Variants in CPVL observed in about 807,000 individuals in gnomAD.
CPVL encodes the protein probable serine carboxypeptidase CPVL.
In CPVL, 51 loss-of-function variants were observed where a neutral mutation model predicts 63.7. The observed-to-expected ratio is 0.80, with a 90% CI of 0.64 to 1.01. CPVL has a LOEUF of 1.01. Ranked by LOEUF, CPVL falls within the 50% of genes least tolerant of loss-of-function variation. CPVL has a pLI of 0.00. For missense variants in CPVL, 530 were observed against 573.1 expected (o/e 0.92, Z 0.77); for synonymous variants, 195 against 206.0 (o/e 0.95, Z 0.46).
intron 5 of CPVL, among the ~76,000 whole-genome samples, chr7:29,177,452 C>G (rs562902115): frequency 6.6e-6 from 1 of 152,068 alleles, no homozygotes; most frequent in Admixed American, 6.5e-5. Context: ...TGGGGTTTCA[C>G]CATGTTGGCC....
chr7:29,066,181 G>A (rs1783122108), intron 9 of CPVL, 60 bp from the exon 10 acceptor site: 1 of 869,456 alleles, frequency 1.2e-6, no homozygotes, highest in South Asian at 1.5e-5. Flanking sequence ...GGATAAAAAT[G>A]TACAGACATT....
At chr7:29,159,341 A>T (rs1021125877) in intron 5 of CPVL, among the ~76,000 whole-genome samples, 1 of 152,224 alleles carries the variant, frequency 6.6e-6, no homozygotes, top group Admixed American at 6.5e-5. Context: ...AAATGCCTGC[A>T]GCATCCTGGC....
At chr7:29,072,017 G>C (rs1340361137) in intron 8 of CPVL, 113 bp from the exon 9 acceptor site, 4 of 1,333,906 alleles carry the variant, frequency 3.0e-6, no homozygotes, top group Non-Finnish European at 4.2e-6. Flanking sequence ...GTGCTGGTTA[G>C]CCAAGTAGGA....
chr7:29,108,946 C>T (rs919442448), intron 3 of CPVL, among the ~76,000 whole-genome samples: 2 of 152,178 alleles, frequency 1.3e-5, no homozygotes, highest in Admixed American at 6.5e-5. Flanking sequence ...ATTTCCACAT[C>T]GGAGGCCTAA....
chr7:29,128,281 T>C (rs1360824645), intron 1 of CPVL: 4 of 150,322 alleles, frequency 2.7e-5, no homozygotes, highest in African/African-American at 9.8e-5. Context: ...CAGAAGAAAA[T>C]CATTTGTTTG....
At chr7:29,178,842 A>G (rs967735673) in intron 5 of CPVL, among the ~76,000 whole-genome samples, 10 of 152,234 alleles carry the variant, frequency 6.6e-5, no homozygotes, top group African/African-American at 2.2e-4. Context: ...TAATCAGCCA[A>G]TAAAAATGGG....
intron 5 of CPVL, among the ~76,000 whole-genome samples, chr7:29,155,254 T>C (rs992491297): frequency 6.6e-6 from 1 of 152,180 alleles, no homozygotes; most frequent in African/African-American, 2.4e-5. Context: ...GGTTGCACCA[T>C]TTCAGGGAAA....
intron 1 of CPVL, among the ~76,000 whole-genome samples, chr7:29,144,710 C>T (rs1336165952): frequency 2.6e-5 from 4 of 152,066 alleles, no homozygotes; most frequent in Non-Finnish European, 2.9e-5. Context: ...TCAGTGTTTC[C>T]TCTGACAAAC....
chr7:29,009,916 A>T (rs1310570358), intron 12 of CPVL: 1 of 152,200 alleles, frequency 6.6e-6, no homozygotes. Flanking sequence ...TTTAAATTTA[A>T]AAGAAGAAAA....
chr7:29,047,634 A>C (rs1789753729), intron 11 of CPVL, among the ~76,000 whole-genome samples: 1 of 152,230 alleles, frequency 6.6e-6, no homozygotes, highest in Non-Finnish European at 1.5e-5. Context: ...TAATCGAGGA[A>C]AACTTCCCTG....
chr7:29,116,205 A>C (rs955071546), intron 2 of CPVL, among the ~76,000 whole-genome samples: 7 of 152,242 alleles, frequency 4.6e-5, no homozygotes, highest in African/African-American at 1.4e-4. Flanking sequence ...AAACCTCCTA[A>C]GGCAGACCTT....
chr7:29,121,823 T>A (rs558722157), intron 1 of CPVL, among the ~76,000 whole-genome samples: 3 of 151,800 alleles, frequency 2.0e-5, no homozygotes, highest in South Asian at 2.1e-4. Flanking sequence ...CCAGTTTGTA[T>A]CAAAGAACAA....
At chr7:29,127,843 T>A (rs958494274) in intron 1 of CPVL, among the ~76,000 whole-genome samples, 4 of 152,142 alleles carry the variant, frequency 2.6e-5, no homozygotes, top group Non-Finnish European at 5.9e-5. Flanking sequence ...ATCACACTCT[T>A]TTGTCCTCCA....
chr7:28,996,070 A>G (rs1220818281), intron 12 of CPVL, 188 bp from the exon 13 acceptor site: 2 of 505,918 alleles, frequency 4.0e-6, no homozygotes, highest in African/African-American at 2.0e-5. Flanking sequence ...ATGTTAAGGT[A>G]GAAAAGTTTT....
chr7:29,107,169 C>G (rs1474898775), intron 3 of CPVL, among the ~76,000 whole-genome samples: 1 of 152,198 alleles, frequency 6.6e-6, no homozygotes, highest in Non-Finnish European at 1.5e-5. Flanking sequence ...TAATATTGCC[C>G]TTTATAAGGT....
At chr7:29,157,158 T>A (rs1794488432) in intron 5 of CPVL, among the ~76,000 whole-genome samples, 1 of 152,206 alleles carries the variant, frequency 6.6e-6, no homozygotes, top group Admixed American at 6.5e-5. Flanking sequence ...GAGCTGTCTT[T>A]TCTCCCACTT....
Position 29,122,884 on chromosome 7 carries a change from T to A in CPVL, c.-10-1813A>T, listed in dbSNP as rs549107087. On this transcript the variant is annotated intron_variant, in intron 1 of 12. Transcript: ENST00000265394. The stretch of plus-strand genomic sequence containing the variant: ...TTCTTAAGTTTTACACCTGAGGTAG[T>A]GCCTCTCTTGTCTCACCCTAATCCT... Among the ~76,000 whole-genome samples the A allele has an allele frequency of 6.6e-5, 10 of 152,350 alleles. No homozygotes were observed. The East Asian group carries it at 1.9e-3, about 29-fold the overall frequency.
At chr7:28,995,947 TTTCA>T in intron 12 of CPVL, 65 bp from the exon 13 acceptor site, 3 of 919,120 alleles carry the variant, frequency 3.3e-6, no homozygotes, top group Non-Finnish European at 5.0e-6. Context: ...CATGGAAAGT[TTTCA>T]TTCAGATTAA....
intron 5 of CPVL, among the ~76,000 whole-genome samples, chr7:29,171,667 A>G (rs1440329104): frequency 6.6e-5 from 10 of 152,226 alleles, no homozygotes; most frequent in Admixed American, 6.5e-4. Context: ...TGAACAATTC[A>G]GAGTATAGCA....
Sources: allele counts gnomAD v4.1 joint callset (sites outside exome capture counted in the v4.1 genomes callset), GRCh38; gene constraint gnomAD v4.1.1; transcripts MANE v1.5; gene names NCBI Gene and HGNC (gene_info 2026-07-23, HGNC 2026-07-21).